MARCHF1: variants seen among roughly 807,000 people sequenced by gnomAD.
The protein encoded by MARCHF1 is E3 ubiquitin-protein ligase MARCHF1.
In MARCHF1, 40 loss-of-function variants were observed where a neutral mutation model predicts 54.2. The ratio of observed to expected loss-of-function variants is 0.74; its 90% CI spans 0.57 to 0.96. The LOEUF is 0.96. Among genes scored for constraint, MARCHF1 ranks in the 40% least tolerant of loss-of-function variants. MARCHF1 has a pLI of 0.00. For missense variants in MARCHF1, 586 were observed against 656.5 expected (o/e 0.89, Z 1.17); for synonymous variants, 236 against 236.3 (o/e 1.00, Z 0.01).
intron 3 of MARCHF1, among the ~76,000 whole-genome samples, chr4:163,898,461 T>C (rs1425258591): frequency 6.6e-6 from 1 of 151,908 alleles, no homozygotes; most frequent in Non-Finnish European, 1.5e-5. Flanking sequence ...ATCGGAGAAA[T>C]GAAAATTAAA....
intron 2 of MARCHF1, among the ~76,000 whole-genome samples, chr4:164,073,125 T>A (rs1245751821): frequency 6.6e-6 from 1 of 152,204 alleles, no homozygotes; most frequent in African/African-American, 2.4e-5. Context: ...GTACAGTGAC[T>A]TGTACAGACA....
At chr4:164,069,029 A>T (rs1235056239) in intron 2 of MARCHF1, among the ~76,000 whole-genome samples, 2 of 152,148 alleles carry the variant, frequency 1.3e-5, no homozygotes, top group African/African-American at 4.8e-5. Flanking sequence ...GGGATTGTGA[A>T]TGCACCAACC....
chr4:163,548,800 T>TAA (rs79058920), intron 8 of MARCHF1, among the ~76,000 whole-genome samples: 25,861 of 152,156 alleles, frequency 0.17, 2,551 homozygotes, highest in African/African-American at 0.26. Context: ...AATTTCAGTA[T>TAA]GTTTTGCAAG....
intron 3 of MARCHF1, among the ~76,000 whole-genome samples, chr4:163,896,202 T>C (rs1009230108): frequency 6.6e-6 from 1 of 152,212 alleles, no homozygotes. Flanking sequence ...TCAGGTTTAT[T>C]AGCAGGCAAT....
chr4:164,321,913 T>C (rs1735151684), intron 1 of MARCHF1, among the ~76,000 whole-genome samples: 1 of 152,126 alleles, frequency 6.6e-6, no homozygotes, highest in South Asian at 2.1e-4. Flanking sequence ...TACTGACTGC[T>C]TATATATCAA....
intron 1 of MARCHF1, among the ~76,000 whole-genome samples, chr4:164,332,522 T>C (rs1158626690): frequency 6.6e-6 from 1 of 152,178 alleles, no homozygotes; most frequent in East Asian, 1.9e-4. Flanking sequence ...GGGAAGATGC[T>C]GGGTTCTATG....
chr4:164,025,702 A>T lies in MARCHF1; in HGVS notation c.-247-36993T>A, dbSNP rs182270599. On this transcript the variant is annotated intron_variant, in intron 2 of 9. Coordinates refer to ENST00000514618, the MANE Select transcript of MARCHF1 (RefSeq NM_001394959.1). Reference sequence around the variant, plus strand: ...ACAAACCAGCCAACCCCAAAGCTATAAAAAAAAAAAGGAAAGAACTAAAAT... The same window carrying T: ...ACAAACCAGCCAACCCCAAAGCTATTAAAAAAAAAAGGAAAGAACTAAAAT... 4.9e-3 allele frequency among the ~76,000 whole-genome samples: 690 copies of T among 141,666 alleles called. 5 individuals are homozygous for T. Among genetic ancestry groups the T allele is most frequent in the African/African-American group, 0.017 (656 of 38,926 alleles). The allele number at this position is 141,666 out of a possible 152,430, so 92.9% of individuals were successfully genotyped here.
chr4:164,259,724 C>T (rs1184173605), intron 1 of MARCHF1, among the ~76,000 whole-genome samples: 3 of 152,000 alleles, frequency 2.0e-5, no homozygotes, highest in African/African-American at 4.8e-5. Context: ...TAGGTAAATT[C>T]TATGTGTCCC....
chr4:163,528,552 G>T lies in MARCHF1; in HGVS notation c.*196C>A. Reference sequence around the variant, plus strand: ...ATTTCCATATCATACTTTACTTTACGCTATTACTTCATGGGCTCCTGGGCA... The same window carrying T: ...ATTTCCATATCATACTTTACTTTACTCTATTACTTCATGGGCTCCTGGGCA... On this transcript the variant is annotated 3_prime_UTR_variant, in exon 10 of 10. Coordinates refer to ENST00000514618, the MANE Select transcript of MARCHF1 (RefSeq NM_001394959.1). The T allele has an allele frequency of 3.6e-6, 2 of 557,810 alleles. No homozygotes were observed. The highest frequency in any genetic ancestry group is 2.9e-5 in the East Asian group (1 of 34,422). The allele number at this position is 557,810 out of a possible 1,614,324, so 34.6% of individuals were successfully genotyped here.
intron 5 of MARCHF1, among the ~76,000 whole-genome samples, chr4:163,686,492 A>C (rs1221295557): frequency 1.4e-5 from 2 of 146,400 alleles, no homozygotes; most frequent in East Asian, 4.1e-4. Flanking sequence ...GAAATGGCAA[A>C]ACTCACAATT....
At chr4:164,227,233 A>G (rs1465228883) in intron 1 of MARCHF1, among the ~76,000 whole-genome samples, 1 of 152,146 alleles carries the variant, frequency 6.6e-6, no homozygotes, top group Non-Finnish European at 1.5e-5. Context: ...ACAGGGCAGC[A>G]GGAGAAAGAA....
At chr4:164,230,727 C>A (rs552538068) in intron 1 of MARCHF1, among the ~76,000 whole-genome samples, 2 of 152,250 alleles carry the variant, frequency 1.3e-5, no homozygotes, top group Admixed American at 6.5e-5. Context: ...TAGCCAGAAC[C>A]ACCCAGTTAA....
In MARCHF1 at chr4:164,195,606, G is replaced by A. The variant is rs147778498; in HGVS notation, c.-322-83944C>T. Among the ~76,000 whole-genome samples the A allele has an allele frequency of 9.2e-5, 14 of 152,090 alleles. No individual in the cohort carries two copies. In the East Asian group the frequency reaches 1.2e-3, roughly 13 times the overall value. On this transcript the variant is annotated intron_variant, in intron 1 of 9. Coordinates refer to ENST00000514618, the MANE Select transcript of MARCHF1 (RefSeq NM_001394959.1). ...CTCTATGACTCCCTGACTTGTGCTT[G>A]GGATCTAGAATTTAAACCCGGATAG...
chr4:163,810,547 G>A (rs2111008703), intron 4 of MARCHF1, among the ~76,000 whole-genome samples: 1 of 152,222 alleles, frequency 6.6e-6, no homozygotes, highest in South Asian at 2.1e-4. Flanking sequence ...GTTGCTTCCT[G>A]AAATTCTTCC....
At chr4:163,625,649 A>G (rs1741844897) in intron 5 of MARCHF1, among the ~76,000 whole-genome samples, 1 of 152,250 alleles carries the variant, frequency 6.6e-6, no homozygotes, top group Admixed American at 6.5e-5. Context: ...TCTACACTGT[A>G]ACAAAATGAA....
intron 1 of MARCHF1, among the ~76,000 whole-genome samples, chr4:164,183,869 T>G (rs1730897210): frequency 1.3e-5 from 2 of 151,954 alleles, no homozygotes; most frequent in Non-Finnish European, 1.5e-5. Flanking sequence ...GAAAAGAAAA[T>G]AATCATCATG....
chr4:164,040,745 T>C (rs988682255), intron 2 of MARCHF1, among the ~76,000 whole-genome samples: 3 of 152,052 alleles, frequency 2.0e-5, no homozygotes, highest in African/African-American at 7.2e-5. Context: ...CAGCAAATGT[T>C]TGTTGTTACT....
chr4:163,745,725 C>A (rs1255337493), intron 4 of MARCHF1, among the ~76,000 whole-genome samples: 1 of 152,200 alleles, frequency 6.6e-6, no homozygotes, highest in Non-Finnish European at 1.5e-5. Flanking sequence ...AAGTGAGCAT[C>A]CTGCATGGAT....
chr4:164,329,024 T>C (rs1275014927), intron 1 of MARCHF1, among the ~76,000 whole-genome samples: 1 of 152,192 alleles, frequency 6.6e-6, no homozygotes, highest in Non-Finnish European at 1.5e-5. Context: ...ATACATGTAA[T>C]GCATTGTATA....
Sources: gnomAD v4.1 joint callset for allele counts (sites outside exome capture counted in the v4.1 genomes callset) on GRCh38, gnomAD v4.1.1 for gene constraint, MANE v1.5 for transcripts, NCBI Gene and HGNC (gene_info 2026-07-23, HGNC 2026-07-21) for gene names.